JAK1: variants seen among roughly 807,000 people sequenced by gnomAD.
JAK1 encodes Janus kinase 1, also known as tyrosine-protein kinase JAK1.
In JAK1, 16 loss-of-function variants were observed where a neutral mutation model predicts 136.6. The ratio of observed to expected loss-of-function variants is 0.12; its 90% CI spans 0.08 to 0.18. The LOEUF is 0.18. Among genes scored for constraint, JAK1 ranks in the 10% least tolerant of loss-of-function variants. The pLI is 1.00. For missense variants in JAK1, 859 were observed against 1,450.1 expected (o/e 0.59, Z 6.62); for synonymous variants, 492 against 519.5 (o/e 0.95, Z 0.72).
Position 64,844,221 on chromosome 1 carries a change from AGAC to A in JAK1, c.2252-9_2252-7del. The A allele has an allele frequency of 6.2e-7, 1 of 1,614,226 alleles. No homozygotes were observed. The highest frequency in any genetic ancestry group is 1.6e-4 in the Middle Eastern group (1 of 6,062). ...TGGGATTCGTTCAATGCATTCTGGA[AGAC>A]AACAGACACACTGATGGAGCAGTTT... On this transcript the variant is annotated splice_polypyrimidine_tract_variant and splice_region_variant and intron_variant, in intron 16 of 24. Coordinates refer to ENST00000342505, the MANE Select transcript of JAK1 (RefSeq NM_002227.4). This position sits in a 1 kb window ranked among gnomAD's most constrained non-coding sequence, Gnocchi z 5.7.
At chr1:65,036,017 G>A (rs961890316) in intron 2 of JAK1, among the ~76,000 whole-genome samples, 2 of 152,090 alleles carry the variant, frequency 1.3e-5, no homozygotes, top group Non-Finnish European at 2.9e-5. Context: ...GCAGTGAGCC[G>A]AGATTGTGCC....
In JAK1 at chr1:64,860,140, G is replaced by A; in HGVS notation, c.1299C>T (p.Val433=). ...LCTDVAPPLI[V]HNIQNGCHGP... is the part of the protein sequence containing the mutation. ...CATGACAGCCATTCTGTATGTTGTG[G>A]ACGATCAACGGGGGGGCCACGTCGG... The change falls in exon 9 of 25, where the codon GTC becomes GTT. Residue 433 remains valine, a synonymous_variant. Coordinates refer to ENST00000342505, the MANE Select transcript of JAK1 (RefSeq NM_002227.4). 1 of 1,599,422 alleles carries A rather than the reference G, an allele frequency of 6.3e-7. No individual in the cohort carries two copies. The highest frequency in any genetic ancestry group is 1.1e-5 in the South Asian group (1 of 89,186).
rs577274261 is a variant in JAK1 at position 64,860,929 on chromosome 1, C to CGTGTGTGTGTGT, written c.1177-679_1177-668dup. On this transcript the variant is annotated intron_variant, in intron 8 of 24. Coordinates refer to ENST00000342505, the MANE Select transcript of JAK1 (RefSeq NM_002227.4). ...ATGCAGAGAAGCTGTCCCCTGGGTC[C>CGTGTGTGTGTGT]GTGTGTGTGTGTGTGTGTGTGTGTG... is the stretch of plus-strand genomic sequence containing the variant. Among the ~76,000 whole-genome samples the CGTGTGTGTGTGT allele has an allele frequency of 2.3e-4, 11 of 48,510 alleles. 1 individual carries two copies. Among genetic ancestry groups the CGTGTGTGTGTGT allele is most frequent in the African/African-American group, 3.0e-4 (3 of 9,962 alleles). The allele number at this position is 48,510 out of a possible 152,430, so 31.8% of individuals were successfully genotyped here.
chr1:64,860,861 TTGGGG>T (rs1656273062), intron 8 of JAK1, among the ~76,000 whole-genome samples: 95 of 132,352 alleles, frequency 7.2e-4, no homozygotes, highest in Non-Finnish European at 1.0e-3. Flanking sequence ...TGTGTGTGTG[TTGGGG>T]GTGACGCGGT....
chr1:64,911,630 A>T (rs563549641), intron 1 of JAK1, among the ~76,000 whole-genome samples: 1 of 152,336 alleles, frequency 6.6e-6, no homozygotes, highest in South Asian at 2.1e-4. Context: ...CCCTTCCATT[A>T]AATCATCTAA....
chr1:65,061,479 T>C (rs1647788971), intron 1 of JAK1, among the ~76,000 whole-genome samples: 2 of 152,308 alleles, frequency 1.3e-5, no homozygotes, highest in Non-Finnish European at 2.9e-5. Flanking sequence ...AATATTGTTT[T>C]AAACCTTTGA....
intron 1 of JAK1, among the ~76,000 whole-genome samples, chr1:64,958,694 C>G (rs1646233330): frequency 6.6e-6 from 1 of 152,100 alleles, no homozygotes; most frequent in Admixed American, 6.6e-5. Flanking sequence ...TATCTTTTCT[C>G]TTAGTACAAT....
At chr1:65,056,670 T>C (rs1312448727) in intron 1 of JAK1, among the ~76,000 whole-genome samples, 1 of 152,134 alleles carries the variant, frequency 6.6e-6, no homozygotes, top group African/African-American at 2.4e-5. Context: ...ATGCCTGTAA[T>C]CTCAGCACTT....
At chr1:64,941,326 T>C (rs572597561) in intron 1 of JAK1, among the ~76,000 whole-genome samples, 2 of 151,816 alleles carry the variant, frequency 1.3e-5, no homozygotes, top group Admixed American at 1.3e-4. Flanking sequence ...AAAAAAAAAA[T>C]TCATTCCTTA....
intron 1 of JAK1, among the ~76,000 whole-genome samples, chr1:64,906,390 C>T (rs1645191167): frequency 6.6e-6 from 1 of 151,960 alleles, no homozygotes; most frequent in Admixed American, 6.6e-5. Flanking sequence ...AAAAAGCAAC[C>T]TGGAATTCCC....
At chr1:65,016,749 T>G (rs1296874496) in intron 2 of JAK1, among the ~76,000 whole-genome samples, 1 of 151,992 alleles carries the variant, frequency 6.6e-6, no homozygotes, top group Admixed American at 6.5e-5. Context: ...AATACAAAAA[T>G]TAGCCGTGCA....
At chr1:64,943,854 A>G (rs1645933084) in intron 1 of JAK1, among the ~76,000 whole-genome samples, 1 of 151,540 alleles carries the variant, frequency 6.6e-6, no homozygotes, top group African/African-American at 2.4e-5. Flanking sequence ...AAAAAGACAA[A>G]CACGCCAGTA....
chr1:65,035,092 T>A lies in JAK1; in HGVS notation c.-78+9388A>T, dbSNP rs1008185624. On this transcript the variant is annotated intron_variant, in intron 2 of 25. Transcript: ENST00000671954. ...AATAAATAAATAAATAAATAAATAA[T>A]AAATAAATTCTCTTAGTAATGCCAT... Among the ~76,000 whole-genome samples the A allele has an allele frequency of 6.2e-5, 9 of 145,130 alleles. No homozygotes were observed. In the East Asian group the frequency reaches 7.7e-4, roughly 12 times the overall value.
At chr1:64,841,189 G>A (rs538276193) in intron 19 of JAK1, 56 bp downstream of exon 19, 54 of 1,218,294 alleles carry the variant, frequency 4.4e-5, no homozygotes, top group Middle Eastern at 3.8e-4. Context: ...AGAGAGTGGC[G>A]CTGTGGATGG....
chr1:64,882,014 G>T (rs546940607), intron 3 of JAK1, among the ~76,000 whole-genome samples: 1 of 152,284 alleles, frequency 6.6e-6, no homozygotes, highest in South Asian at 2.1e-4. Flanking sequence ...CACACTTAAA[G>T]CTGCTGTCTA....
chr1:64,994,689 C>G (rs1483937937), intron 2 of JAK1, among the ~76,000 whole-genome samples: 1 of 152,108 alleles, frequency 6.6e-6, no homozygotes, highest in African/African-American at 2.4e-5. Context: ...TTTTTTGGGG[C>G]ACACATTCAA....
At position 65,038,666 on chromosome 1, in the gene JAK1, TCTCA is replaced by T. The variant is rs113317363; in HGVS notation, c.-78+5810_-78+5813del. Among the ~76,000 whole-genome samples the T allele has an allele frequency of 3.7e-4, 56 of 152,134 alleles. 1 individual carries two copies. Among genetic ancestry groups the T allele is most frequent in the African/African-American group, 8.9e-4 (37 of 41,502 alleles). On this transcript the variant is annotated intron_variant, in intron 2 of 25. Coordinates refer to the JAK1 transcript ENST00000671954. ...TTTGTTTGTTTGTTTTGAGACAAGG[TCTCA>T]CTCTGTCACCCAGGCTGGAGTGCAT...
rs150814115 is a variant in JAK1, at chr1:65,038,938, T to TTGTGTGTGTGTGTGTGTGTG, written c.-78+5522_-78+5541dup. On this transcript the variant is annotated intron_variant, in intron 2 of 25. Coordinates refer to the JAK1 transcript ENST00000671954. ...CAGGCGTGAGCCACCGCACCCAGTC[T>TTGTGTGTGTGTGTGTGTGTG]TGTGTGTGTGTGTGTGTGTGTGTGT... 1.8e-3 allele frequency among the ~76,000 whole-genome samples: 269 copies of TTGTGTGTGTGTGTGTGTGTG among 147,942 alleles called. 4 individuals are homozygous for TTGTGTGTGTGTGTGTGTGTG. Among genetic ancestry groups the TTGTGTGTGTGTGTGTGTGTG allele is most frequent in the Middle Eastern group, 0.01 (3 of 290 alleles).
Position 64,864,773 on chromosome 1 carries a change from T to C in JAK1, c.1176+14A>G, listed in dbSNP as rs752664256. The C allele has an allele frequency of 3.1e-6, 5 of 1,600,394 alleles. No homozygotes were observed. In the Admixed American group the frequency reaches 8.4e-5, roughly 27 times the overall value. On this transcript the variant is annotated intron_variant, in intron 8 of 24. Coordinates refer to ENST00000342505, the MANE Select transcript of JAK1 (RefSeq NM_002227.4). The stretch of plus-strand genomic sequence containing the variant: ...CACCAGATCCAGACTTAAGAGCTTC[T>C]GGGACAAACTTACCATTTTCTTGTT...
Sources: allele counts gnomAD v4.1 joint callset (sites outside exome capture counted in the v4.1 genomes callset), GRCh38; gene constraint gnomAD v4.1.1; non-coding constraint Gnocchi (gnomAD v3.1); transcripts MANE v1.5; gene names NCBI Gene and HGNC (gene_info 2026-07-23, HGNC 2026-07-21).